CREB3L2: variants seen among roughly 807,000 people sequenced by gnomAD.
CREB3L2 encodes the protein cAMP responsive element binding protein 3 like 2.
A neutral mutation model predicts 57.2 loss-of-function variants in CREB3L2; 23 were observed. The observed-to-expected ratio is 0.40, with a 90% CI of 0.29 to 0.57. CREB3L2 has a LOEUF of 0.57. CREB3L2 is among the 20% of genes least tolerant of loss of function. The probability of loss-of-function intolerance (pLI) is 0.42; values close to 1 mark genes in which losing one functional copy is unlikely to be tolerated. For synonymous variants in CREB3L2, 268 were observed against 265.1 expected (o/e 1.01, Z -0.11); for missense variants, 628 against 634.7 (o/e 0.99, Z 0.11).
In CREB3L2 at chr7:137,923,552, T is replaced by G. The variant is rs117250400; in HGVS notation, c.319+4598A>C. Among the ~76,000 whole-genome samples, 1,091 of 152,308 alleles carry G rather than the reference T, an allele frequency of 7.2e-3. 5 individuals carry two copies. Among genetic ancestry groups the G allele is most frequent in the South Asian group, 0.013 (64 of 4,828 alleles). Reference sequence around the variant, plus strand: ...TCTACGATGATTCAGAGTGATGTTCTTGTCATCAGCTCACGCTATATGTGA... The same window carrying G: ...TCTACGATGATTCAGAGTGATGTTCGTGTCATCAGCTCACGCTATATGTGA... On this transcript the variant is annotated intron_variant, in intron 2 of 11. Coordinates refer to ENST00000330387, the MANE Select transcript of CREB3L2 (RefSeq NM_194071.4).
chr7:137,927,882 G>A (rs1053281988), intron 2 of CREB3L2, among the ~76,000 whole-genome samples: 14 of 151,998 alleles, frequency 9.2e-5, no homozygotes, highest in African/African-American at 3.1e-4. Flanking sequence ...TTTGCAAAAG[G>A]CTGCTCTGCT....
intron 1 of CREB3L2, among the ~76,000 whole-genome samples, chr7:137,953,107 G>A (rs539538588): frequency 5.9e-5 from 9 of 152,358 alleles, no homozygotes; most frequent in Admixed American, 1.3e-4. Flanking sequence ...ATGAGCCGCT[G>A]TGCCCAGCCA....
intron 1 of CREB3L2, among the ~76,000 whole-genome samples, chr7:137,978,162 T>C (rs1483849613): frequency 2.0e-5 from 3 of 152,110 alleles, no homozygotes; most frequent in Admixed American, 6.6e-5. Context: ...TCAGAGACCA[T>C]GGAGCACAAG....
At chr7:137,946,755 ATC>A (rs1800985126) in intron 1 of CREB3L2, among the ~76,000 whole-genome samples, 4 of 73,416 alleles carry the variant, frequency 5.4e-5, no homozygotes, top group Non-Finnish European at 7.4e-5. Flanking sequence ...TTTTATAGTT[ATC>A]TATATAGTTT....
chr7:137,986,945 C>A (rs1801802530), intron 1 of CREB3L2, among the ~76,000 whole-genome samples: 1 of 152,202 alleles, frequency 6.6e-6, no homozygotes, highest in Non-Finnish European at 1.5e-5. Flanking sequence ...CCAAGGGCGA[C>A]CCCACTGCAC....
chr7:137,955,945 C>T (rs35859876), intron 1 of CREB3L2, among the ~76,000 whole-genome samples: 3,349 of 152,280 alleles, frequency 0.022, 172 homozygotes, highest in Admixed American at 0.13. Flanking sequence ...CATTCAAGTC[C>T]TAGTCTTCCT....
chr7:137,882,299 G>T (rs1799309844), intron 11 of CREB3L2, 113 bp downstream of exon 11: 2 of 746,548 alleles, frequency 2.7e-6, no homozygotes, highest in African/African-American at 3.5e-5. Context: ...TCCTGAGAGA[G>T]CTGAGGGACT....
chr7:137,974,428 G>A (rs957498552), intron 1 of CREB3L2, among the ~76,000 whole-genome samples: 19 of 152,156 alleles, frequency 1.2e-4, no homozygotes, highest in African/African-American at 4.6e-4. Context: ...AAGGCCCCAT[G>A]GCAGGAAGAA....
intron 1 of CREB3L2, among the ~76,000 whole-genome samples, chr7:137,959,968 T>C (rs910951231): frequency 1.3e-5 from 2 of 152,172 alleles, no homozygotes; most frequent in Non-Finnish European, 2.9e-5. Context: ...CATTCCCTAG[T>C]TTTTAGAATT....
Position 137,904,002 on chromosome 7 carries a change from T to G in CREB3L2, c.931A>C (p.Ser311Arg). Residue 311 changes from serine (S) to arginine (R), a missense_variant, in exon 7 of 12, where the codon AGT (serine) becomes CGT (arginine). Physicochemically the swap from Ser to Arg is moderately radical, Grantham distance 110. Around this residue, in one of 3 missense-constraint regions of CREB3L2, gnomAD observed 17 missense variants for 36.6 expected, o/e 0.46. Transcript: ENST00000330387. ...ATGTATTCTTTCTTCTTTCTCCTAC[T>G]TTCCTGAGCAGAAATCTGAGAGAGA... ...KIKNKISAQE[S>R]RRKKKEYMDS... 6.2e-7 allele frequency: 1 copy of G among 1,613,676 alleles called. No homozygotes were observed. The highest frequency in any genetic ancestry group is 8.5e-7 in the Non-Finnish European group (1 of 1,179,520).
chr7:137,885,576 A>G (rs1192120079), intron 8 of CREB3L2, 74 bp from the exon 9 acceptor site: 17 of 1,211,180 alleles, frequency 1.4e-5, no homozygotes, highest in Non-Finnish European at 1.8e-5. Flanking sequence ...CATGTGACCC[A>G]AGAAGGCCGC....
chr7:137,947,601 G>A (rs891809633), intron 1 of CREB3L2, among the ~76,000 whole-genome samples: 10 of 152,104 alleles, frequency 6.6e-5, no homozygotes, highest in African/African-American at 1.2e-4. Context: ...CTAAGATGGC[G>A]CCTGTGACTT....
At chr7:137,924,549 T>C (rs1187847366) in intron 2 of CREB3L2, among the ~76,000 whole-genome samples, 1 of 152,264 alleles carries the variant, frequency 6.6e-6, no homozygotes, top group Non-Finnish European at 1.5e-5. Flanking sequence ...CAAGCTTTTG[T>C]TTCTCAAAGC....
At chr7:137,925,718 A>G (rs925641046) in intron 2 of CREB3L2, among the ~76,000 whole-genome samples, 18 of 152,146 alleles carry the variant, frequency 1.2e-4, no homozygotes, top group Admixed American at 1.0e-3. Context: ...GATCCAGACA[A>G]AGCTTTGCTG....
chr7:137,956,696 A>C, intron 1 of CREB3L2: 5 of 1,207,812 alleles, frequency 4.1e-6, no homozygotes, highest in Non-Finnish European at 5.5e-6. Context: ...ATTTTACTTT[A>C]ACTTGAATTT....
rs10534110 is a variant in CREB3L2 at position 137,876,331 on chromosome 7, CGTGTGT to C, written c.*4139_*4144del. The C allele has an allele frequency of 0.038, 8,483 of 221,834 alleles. 313 individuals carry two copies. Among genetic ancestry groups the C allele is most frequent in the African/African-American group, 0.12 (5,160 of 43,576 alleles). The allele number at this position is 221,834 out of a possible 1,614,324, so 13.7% of individuals were successfully genotyped here. On this transcript the variant is annotated 3_prime_UTR_variant, in exon 12 of 12. Coordinates refer to ENST00000330387, the MANE Select transcript of CREB3L2 (RefSeq NM_194071.4). ...TGAGCATGTAAGGGAGGAATGTGCA[CGTGTGT>C]GTGTGTGTGTGTGTGTGTGTGTGTG...
At chr7:137,941,698 A>G (rs1327506975) in intron 1 of CREB3L2, among the ~76,000 whole-genome samples, 1 of 152,216 alleles carries the variant, frequency 6.6e-6, no homozygotes, top group Non-Finnish European at 1.5e-5. Flanking sequence ...CCAGTATTTT[A>G]AATGAAGAAC....
intron 2 of CREB3L2, among the ~76,000 whole-genome samples, chr7:137,922,436 ACG>A (rs1491013628): frequency 0.024 from 955 of 40,274 alleles, 36 homozygotes; most frequent in African/African-American, 0.16. Flanking sequence ...ATATATATAT[ACG>A]TATATATATA....
In CREB3L2 at chr7:137,946,830, CTATA is replaced by C. The variant is rs1303257342; in HGVS notation, c.103-18468_103-18465del. On this transcript the variant is annotated intron_variant, in intron 1 of 11. Transcript: ENST00000330387. ...TATATATAGTTATCTATATAGTTAT[CTATA>C]TATAGTTATCTATATAGTTATCTAT... Among the ~76,000 whole-genome samples the C allele has an allele frequency of 7.3e-4, 15 of 20,622 alleles. 3 individuals carry two copies. The highest frequency in any genetic ancestry group is 1.3e-3 in the Non-Finnish European group (15 of 11,600). 13.5% of individuals were successfully genotyped at this position (20,622 alleles called of 152,430 possible).
Sources: gnomAD v4.1 joint callset for allele counts (sites outside exome capture counted in the v4.1 genomes callset) on GRCh38, gnomAD v4.1.1 for gene constraint, gnomAD v4.1.1 regional missense constraint, MANE v1.5 for transcripts, NCBI Gene and HGNC (gene_info 2026-07-23, HGNC 2026-07-21) for gene names.